Variants in RUNX3 observed in about 807,000 individuals in gnomAD.
RUNX3 encodes RUNX family transcription factor 3, also known as runt-related transcription factor 3.
In RUNX3, 10 loss-of-function variants were observed where a neutral mutation model predicts 27.7. The ratio of observed to expected loss-of-function variants is 0.36; its 90% CI spans 0.22 to 0.61. The LOEUF (loss-of-function observed/expected upper bound fraction) is 0.61, where lower values mean the gene tolerates loss of function less well. Among genes scored for constraint, RUNX3 ranks in the 20% least tolerant of loss-of-function variants. The probability of loss-of-function intolerance (pLI) is 0.72; values close to 1 mark genes in which losing one functional copy is unlikely to be tolerated. For missense variants in RUNX3, 469 were observed against 629.5 expected, an observed-to-expected ratio of 0.75 and a Z score of 2.73; for synonymous variants, 270 against 269.2, an observed-to-expected ratio of 1.00 and a Z score of -0.03.
At chr1:24,930,925 C>T (rs1641214203), upstream of RUNX3, among the ~76,000 whole-genome samples, 1 of 152,212 alleles carries the variant, frequency 6.6e-6, no homozygotes, top group South Asian at 2.1e-4. This position sits in a 1 kb window ranked among gnomAD's most constrained non-coding sequence, Gnocchi z 4.1. Context: ...AGGGAGTCTC[C>T]TAGGGACCCT....
At chr1:24,907,847 CTAAACCTCTACAACACACTGTGATG>C (rs1640700612) in intron 3 of RUNX3, among the ~76,000 whole-genome samples, 1 of 151,460 alleles carries the variant, frequency 6.6e-6, no homozygotes, top group African/African-American at 2.4e-5. Flanking sequence ...ACACGGTGAT[CTAAACCTCTACAACACACTGTGATG>C]TAAACCTCTA....
chr1:24,913,553 GCTC>G (rs1422608475), intron 3 of RUNX3, among the ~76,000 whole-genome samples: 1 of 152,258 alleles, frequency 6.6e-6, no homozygotes, highest in Non-Finnish European at 1.5e-5. Flanking sequence ...TTGGCCATCT[GCTC>G]CTAGGCAAAC....
chr1:24,932,875 T>A (rs1641263684), upstream of RUNX3, among the ~76,000 whole-genome samples: 1 of 152,102 alleles, frequency 6.6e-6, no homozygotes, highest in Non-Finnish European at 1.5e-5. Context: ...GGCCCCCACC[T>A]AAGAGCACCC....
intron 2 of RUNX3, among the ~76,000 whole-genome samples, chr1:24,944,590 A>G (rs988474081): frequency 2.0e-5 from 3 of 152,248 alleles, no homozygotes; most frequent in Non-Finnish European, 1.5e-5. Flanking sequence ...GGTGGGCCCC[A>G]TATGATCACA....
At chr1:24,926,738 G>A (rs887795883) in intron 2 of RUNX3, among the ~76,000 whole-genome samples, 2 of 152,206 alleles carry the variant, frequency 1.3e-5, no homozygotes, top group Admixed American at 1.3e-4. Flanking sequence ...TCTTAACAAA[G>A]CTAGAGGCGG....
rs1640680495 is a variant in RUNX3, at chr1:24,907,199, C to T, written c.703+60G>A. 3.2e-6 allele frequency: 5 copies of T among 1,547,392 alleles called. No homozygotes were observed. The South Asian group carries it at 4.7e-5, about 14-fold the overall frequency. On this transcript the variant is annotated intron_variant, in intron 4 of 4. Transcript: ENST00000308873. Reference sequence around the variant, plus strand: ...GGCTTTTGGTCTGGGGCAGATTGGACCACATCGAGGCCCTCCACCCCCACC... The same window carrying T: ...GGCTTTTGGTCTGGGGCAGATTGGATCACATCGAGGCCCTCCACCCCCACC...
chr1:24,917,851 A>C (rs776006195), intron 3 of RUNX3, among the ~76,000 whole-genome samples: 4 of 152,150 alleles, frequency 2.6e-5, no homozygotes, highest in Non-Finnish European at 5.9e-5. Flanking sequence ...CACCACCTTG[A>C]GACTCCTGGA....
chr1:24,920,359 C>A (rs924663562), intron 2 of RUNX3, among the ~76,000 whole-genome samples: 1 of 152,088 alleles, frequency 6.6e-6, no homozygotes, highest in Non-Finnish European at 1.5e-5. Context: ...GGACATATTA[C>A]GGGCGCGGAT....
At chr1:24,912,277 G>C (rs979683325) in intron 3 of RUNX3, among the ~76,000 whole-genome samples, 1 of 152,196 alleles carries the variant, frequency 6.6e-6, no homozygotes, top group African/African-American at 2.4e-5. Context: ...AGGTAGCAAA[G>C]ATCAGCCGCT....
intron 2 of RUNX3, among the ~76,000 whole-genome samples, chr1:24,920,652 C>T (rs930588088): frequency 6.6e-6 from 1 of 152,190 alleles, no homozygotes; most frequent in African/African-American, 2.4e-5. Context: ...ACTTTCCATG[C>T]TGTATTTGTG....
At chr1:24,932,495 A>C (rs1026397738), upstream of RUNX3, among the ~76,000 whole-genome samples, 1 of 152,130 alleles carries the variant, frequency 6.6e-6, no homozygotes, top group Admixed American at 6.5e-5. Context: ...CCCCGGGTGC[A>C]GGCGCGGCGA....
upstream of RUNX3, among the ~76,000 whole-genome samples, chr1:24,935,129 T>C (rs1014337768): frequency 6.6e-6 from 1 of 152,190 alleles, no homozygotes; most frequent in African/African-American, 2.4e-5. Context: ...AGCAAGCACC[T>C]CGAGGCAAAA....
At chr1:24,954,928 G>A (rs1641877204) in intron 2 of RUNX3, among the ~76,000 whole-genome samples, 1 of 152,140 alleles carries the variant, frequency 6.6e-6, no homozygotes, top group South Asian at 2.1e-4. Flanking sequence ...GCCCAGCTTG[G>A]TTCAGTCCTG....
intron 3 of RUNX3, among the ~76,000 whole-genome samples, chr1:24,913,781 C>T (rs752955267): frequency 6.6e-6 from 1 of 152,228 alleles, no homozygotes; most frequent in Non-Finnish European, 1.5e-5. Context: ...GCCTGGCCAG[C>T]CTGGGGTCCT....
In RUNX3 at chr1:24,902,232, T is replaced by C. The variant is rs1346065684; in HGVS notation, c.1138A>G (p.Ser380Gly). ...ACGCCATCACTCTGGCCGCCCAGGCTGGGGTTCATGAGGTTGCCGGCGGCG... is the reference window on the plus strand; with the variant it reads ...ACGCCATCACTCTGGCCGCCCAGGCCGGGGTTCATGAGGTTGCCGGCGGCG... The part of the protein sequence containing the change: ...SVAAGNLMNP[S>G]LGGQSDGVEA... The change falls in exon 5 of 5, where the codon AGC becomes GGC. Residue 380 changes from serine (S) to glycine (G), a missense_variant. Transcript: ENST00000308873. This position sits in a 1 kb window ranked among gnomAD's most constrained non-coding sequence, Gnocchi z 9.2. The C allele has an allele frequency of 2.5e-6, 4 of 1,576,944 alleles. No individual in the cohort carries two copies.
At chr1:24,922,843 T>C (rs1641026113) in intron 2 of RUNX3, among the ~76,000 whole-genome samples, 1 of 134,326 alleles carries the variant, frequency 7.4e-6, no homozygotes, top group Admixed American at 7.6e-5. Flanking sequence ...TCACAGGCCC[T>C]ACCACTCCCT....
upstream of RUNX3, among the ~76,000 whole-genome samples, chr1:24,933,609 T>C (rs1641282150): frequency 6.6e-6 from 1 of 152,154 alleles, no homozygotes. Flanking sequence ...GTGACCTACC[T>C]CCACGTGGAG....
At chr1:24,922,514 T>C (rs1641019032) in intron 2 of RUNX3, among the ~76,000 whole-genome samples, 1 of 152,216 alleles carries the variant, frequency 6.6e-6, no homozygotes, top group African/African-American at 2.4e-5. Context: ...GATACTTACA[T>C]ATCACATTAC....
At chr1:24,955,909 T>C (rs926816095) in intron 2 of RUNX3, among the ~76,000 whole-genome samples, 1 of 152,250 alleles carries the variant, frequency 6.6e-6, no homozygotes, top group African/African-American at 2.4e-5. Flanking sequence ...TCAATAAATG[T>C]TCATTGAATG....
Sources: gnomAD v4.1 joint callset for allele counts (sites outside exome capture counted in the v4.1 genomes callset) on GRCh38, gnomAD v4.1.1 for gene constraint, Gnocchi (gnomAD v3.1) non-coding constraint, MANE v1.5 for transcripts, NCBI Gene and HGNC (gene_info 2026-07-23, HGNC 2026-07-21) for gene names.